VAV3: variants seen among roughly 807,000 people sequenced by gnomAD.
The protein encoded by VAV3 is vav guanine nucleotide exchange factor 3.
VAV3 carries 94 observed loss-of-function variants against 131.2 expected under a neutral mutation model. The ratio of observed to expected loss-of-function variants is 0.72; its 90% CI spans 0.61 to 0.85. The LOEUF is 0.85. VAV3 is among the 40% of genes least tolerant of loss of function. VAV3 has a pLI of 0.00. For missense variants in VAV3, 939 were observed against 1,002.7 expected (o/e 0.94, Z 0.86); for synonymous variants, 349 against 342.0 (o/e 1.02, Z -0.22).
intron 19 of VAV3, among the ~76,000 whole-genome samples, chr1:107,658,838 T>C (rs1308124323): frequency 6.6e-6 from 1 of 152,060 alleles, no homozygotes; most frequent in Non-Finnish European, 1.5e-5. Context: ...CATTGTAGAT[T>C]CTGGATATCA....
chr1:107,876,820 G>T (rs373564186), intron 1 of VAV3, among the ~76,000 whole-genome samples: 5 of 151,938 alleles, frequency 3.3e-5, no homozygotes, highest in African/African-American at 1.2e-4. Flanking sequence ...CCAAAATAAA[G>T]TTTAAAAAAA....
At chr1:107,669,689 CT>C (rs940531132) in intron 19 of VAV3, among the ~76,000 whole-genome samples, 1 of 150,344 alleles carries the variant, frequency 6.7e-6, no homozygotes, top group Admixed American at 6.6e-5. Context: ...TTAGTTTTTT[CT>C]TTTTTTTTAG....
chr1:107,621,142 G>T (rs1202132344), intron 20 of VAV3, among the ~76,000 whole-genome samples: 1 of 151,394 alleles, frequency 6.6e-6, no homozygotes, highest in Non-Finnish European at 1.5e-5. Context: ...CTTCAGGAGG[G>T]AAAAAATTTC....
At chr1:107,938,791 G>A (rs1673846188) in intron 1 of VAV3, among the ~76,000 whole-genome samples, 1 of 152,180 alleles carries the variant, frequency 6.6e-6, no homozygotes, top group African/African-American at 2.4e-5. Context: ...AATGAAAAAG[G>A]AATTTTGGCC....
intron 20 of VAV3, among the ~76,000 whole-genome samples, chr1:107,635,680 G>C (rs1654876934): frequency 6.6e-6 from 1 of 152,152 alleles, no homozygotes; most frequent in Non-Finnish European, 1.5e-5. Context: ...GATGGTGACA[G>C]TGAAAGAAAC....
chr1:107,704,486 A>T, intron 17 of VAV3, 64 bp downstream of exon 17: 1 of 1,305,482 alleles, frequency 7.7e-7, no homozygotes, highest in Non-Finnish European at 1.1e-6. Flanking sequence ...ATTAGGCCTT[A>T]ATTATGTTTA....
intron 1 of VAV3, among the ~76,000 whole-genome samples, chr1:107,951,343 C>T (rs1031091933): frequency 1.3e-5 from 2 of 152,182 alleles, no homozygotes; most frequent in Admixed American, 6.6e-5. Flanking sequence ...CTTGCAAAAG[C>T]CTGACTCCCA....
At chr1:107,608,569 C>T (rs943029546) in intron 22 of VAV3, among the ~76,000 whole-genome samples, 1 of 152,136 alleles carries the variant, frequency 6.6e-6, no homozygotes, top group African/African-American at 2.4e-5. Context: ...CACAAACCTG[C>T]CACAATTTCT....
At chr1:107,688,991 G>A (rs1332440584) in intron 17 of VAV3, among the ~76,000 whole-genome samples, 2 of 152,016 alleles carry the variant, frequency 1.3e-5, no homozygotes, top group East Asian at 3.9e-4. Context: ...TTCATATTTA[G>A]TTTACCTCCA....
At chr1:107,760,708 C>A in intron 10 of VAV3, 76 bp downstream of exon 10, 1 of 1,135,138 alleles carries the variant, frequency 8.8e-7, no homozygotes, top group Non-Finnish European at 1.3e-6. Flanking sequence ...GGAATATCTG[C>A]AATGTAGTTG....
At chr1:107,845,533 A>C (rs1163964859) in intron 2 of VAV3, among the ~76,000 whole-genome samples, 1 of 152,202 alleles carries the variant, frequency 6.6e-6, no homozygotes, top group Non-Finnish European at 1.5e-5. Context: ...AACCAAATGC[A>C]AGGAAGCTAA....
chr1:107,612,182 C>CTA (rs10604934), intron 21 of VAV3, among the ~76,000 whole-genome samples: 54,427 of 148,402 alleles, frequency 0.37, 10,377 homozygotes, highest in Middle Eastern at 0.42. Context: ...TTATATTGGT[C>CTA]TATATATATA....
At chr1:107,712,106 C>CA (rs1424451269) in intron 15 of VAV3, among the ~76,000 whole-genome samples, 2 of 152,176 alleles carry the variant, frequency 1.3e-5, no homozygotes, top group Non-Finnish European at 2.9e-5. Context: ...CCTTGCAAAC[C>CA]AACACACAAA....
chr1:107,618,111 C>A (rs189638420), intron 20 of VAV3, among the ~76,000 whole-genome samples: 61 of 152,126 alleles, frequency 4.0e-4, no homozygotes, highest in African/African-American at 1.4e-3. Flanking sequence ...AATCTAATGC[C>A]GCCACTGATT....
chr1:107,797,896 T>G (rs891552531), intron 2 of VAV3, among the ~76,000 whole-genome samples: 1 of 152,180 alleles, frequency 6.6e-6, no homozygotes, highest in African/African-American at 2.4e-5. Context: ...TCCAACTCAG[T>G]AGGGACCAAG....
intron 4 of VAV3, among the ~76,000 whole-genome samples, chr1:107,773,572 A>C (rs367969576): frequency 1.3e-4 from 20 of 152,274 alleles, no homozygotes; most frequent in African/African-American, 2.9e-4. Flanking sequence ...ACAGATGAGG[A>C]GAGGAACAGA....
intron 1 of VAV3, among the ~76,000 whole-genome samples, chr1:107,934,762 A>G (rs1673626275): frequency 1.3e-5 from 2 of 152,244 alleles, no homozygotes; most frequent in African/African-American, 4.8e-5. Flanking sequence ...TTCAAATATC[A>G]CATTCAGAAA....
At chr1:107,710,552 TTTTTA>T (rs1557782125) in intron 15 of VAV3, among the ~76,000 whole-genome samples, 1 of 152,180 alleles carries the variant, frequency 6.6e-6, no homozygotes, top group Non-Finnish European at 1.5e-5. Context: ...AACAGTCTTA[TTTTTA>T]TTTATTATTA....
chr1:107,942,004 C>G (rs1020614496), intron 1 of VAV3, among the ~76,000 whole-genome samples: 17 of 152,262 alleles, frequency 1.1e-4, no homozygotes, highest in African/African-American at 4.1e-4. Context: ...GAATACCCCT[C>G]ATCTTTTCCT....
Sources: gnomAD v4.1 joint callset for allele counts (sites outside exome capture counted in the v4.1 genomes callset) on GRCh38, gnomAD v4.1.1 for gene constraint, MANE v1.5 for transcripts, NCBI Gene and HGNC (gene_info 2026-07-23, HGNC 2026-07-21) for gene names.